ARHGAP10: variants seen among roughly 807,000 people sequenced by gnomAD.
ARHGAP10 encodes rho GTPase-activating protein 10.
Under a neutral mutation model 108.6 loss-of-function variants are expected in ARHGAP10, and 87 were observed. The ratio of observed to expected loss-of-function variants is 0.80; its 90% CI spans 0.67 to 0.96. The LOEUF is 0.96. Among genes scored for constraint, ARHGAP10 ranks in the 40% least tolerant of loss-of-function variants. The pLI, the probability that ARHGAP10 is intolerant of heterozygous loss-of-function variation, is 0.00. For synonymous variants in ARHGAP10, 347 were observed against 341.1 expected (o/e 1.02, Z -0.19); for missense variants, 939 against 954.5 (o/e 0.98, Z 0.21).
chr4:147,925,216 A>C (rs540086123), intron 13 of ARHGAP10, among the ~76,000 whole-genome samples: 3 of 152,174 alleles, frequency 2.0e-5, no homozygotes, highest in African/African-American at 7.2e-5. Flanking sequence ...GAAGCCAAAC[A>C]AACACCACAA....
intron 7 of ARHGAP10, among the ~76,000 whole-genome samples, chr4:147,873,385 C>T (rs974728845): frequency 7.2e-5 from 11 of 152,012 alleles, no homozygotes; most frequent in African/African-American, 1.7e-4. Flanking sequence ...CCTGTGATAG[C>T]ATCCATACAT....
intron 1 of ARHGAP10, among the ~76,000 whole-genome samples, chr4:147,769,168 A>G (rs151146855): frequency 6.6e-6 from 1 of 152,300 alleles, no homozygotes; most frequent in African/African-American, 2.4e-5. Context: ...ATGATGAGAC[A>G]TTTTCTCACT....
At chr4:147,806,672 C>A (rs1286614996) in intron 1 of ARHGAP10, among the ~76,000 whole-genome samples, 1 of 152,106 alleles carries the variant, frequency 6.6e-6, no homozygotes, top group East Asian at 1.9e-4. Context: ...CCTTGTCTGG[C>A]AGGTACCCTG....
chr4:148,003,734 C>G (rs931099250), intron 18 of ARHGAP10, among the ~76,000 whole-genome samples: 2 of 152,174 alleles, frequency 1.3e-5, no homozygotes, highest in Non-Finnish European at 2.9e-5. Context: ...GATTGTAACC[C>G]TTGCCTTTTT....
chr4:147,881,748 C>T lies in ARHGAP10; in HGVS notation c.940-90C>T, dbSNP rs1735335171. The T allele has an allele frequency of 3.6e-6, 4 of 1,124,504 alleles. No individual in the cohort carries two copies. In the South Asian group the frequency reaches 6.0e-5, roughly 17 times the overall value. 69.7% of individuals were successfully genotyped at this position (1,124,504 alleles called of 1,614,324 possible). A position where few individuals can be genotyped will look rare whatever the true frequency, so the allele number is the denominator to read the frequency against. On this transcript the variant is annotated intron_variant, in intron 9 of 22. Coordinates refer to ENST00000336498, the MANE Select transcript of ARHGAP10 (RefSeq NM_024605.4). ...AAAGAGAAGGACTTAAGATCTTGAA[C>T]CTTGCTCCCCTGCTCTCCAGTATAG...
intron 20 of ARHGAP10, among the ~76,000 whole-genome samples, chr4:148,060,463 G>A (rs1465983195): frequency 2.0e-5 from 3 of 149,826 alleles, no homozygotes; most frequent in African/African-American, 4.9e-5. Flanking sequence ...CCCATTACAC[G>A]ACTTAAGTAT....
Position 147,732,294 on chromosome 4 carries a change from C to G in ARHGAP10, c.-8C>G, listed in dbSNP as rs372030564. On this transcript the variant is annotated 5_prime_UTR_variant, in exon 1 of 23. Transcript: ENST00000336498. Reference sequence around the variant, plus strand: ...GGCCGTGCGCACCGCGCAGCGACCGCTGCCGTCATGGGGCTGCAGCCCCTG... The same window carrying G: ...GGCCGTGCGCACCGCGCAGCGACCGGTGCCGTCATGGGGCTGCAGCCCCTG... 6.2e-7 allele frequency: 1 copy of G among 1,603,690 alleles called. No individual in the cohort carries two copies. The highest frequency in any genetic ancestry group is 1.7e-5 in the Admixed American group (1 of 59,282).
intron 10 of ARHGAP10, among the ~76,000 whole-genome samples, chr4:147,901,765 T>C (rs954246605): frequency 6.6e-6 from 1 of 152,258 alleles, no homozygotes; most frequent in African/African-American, 2.4e-5. Flanking sequence ...CAGTTATTTC[T>C]GTGTTTTAGG....
chr4:147,812,058 C>T (rs922292607), intron 1 of ARHGAP10, among the ~76,000 whole-genome samples: 2 of 152,060 alleles, frequency 1.3e-5, no homozygotes, highest in Non-Finnish European at 2.9e-5. Flanking sequence ...GAATGTTTTT[C>T]GACTGTTCTC....
intron 13 of ARHGAP10, among the ~76,000 whole-genome samples, chr4:147,920,827 T>C (rs1055735978): frequency 6.6e-5 from 10 of 152,112 alleles, no homozygotes; most frequent in African/African-American, 2.4e-4. Flanking sequence ...ATTTAAAGGA[T>C]GGGAAAGTAT....
chr4:147,953,034 T>G (rs111782587), intron 15 of ARHGAP10, among the ~76,000 whole-genome samples: 1,855 of 152,148 alleles, frequency 0.012, 44 homozygotes, highest in African/African-American at 0.042. Context: ...TCTATTGATA[T>G]GATCATACAG....
chr4:147,908,925 C>G (rs1430214837), intron 11 of ARHGAP10, among the ~76,000 whole-genome samples: 2 of 152,132 alleles, frequency 1.3e-5, no homozygotes, highest in Admixed American at 6.5e-5. Flanking sequence ...ATCTTTGCAT[C>G]TGAGCATATG....
intron 1 of ARHGAP10, among the ~76,000 whole-genome samples, chr4:147,796,506 T>C (rs1300005834): frequency 6.6e-6 from 1 of 152,004 alleles, no homozygotes; most frequent in African/African-American, 2.4e-5. Flanking sequence ...TCATCTCTTT[T>C]TTTCCTTATT....
At chr4:147,924,395 G>A (rs1737371170) in intron 13 of ARHGAP10, among the ~76,000 whole-genome samples, 1 of 151,934 alleles carries the variant, frequency 6.6e-6, no homozygotes. Flanking sequence ...GGTTTTATAC[G>A]TTTTCCTCCT....
intron 1 of ARHGAP10, among the ~76,000 whole-genome samples, chr4:147,796,777 G>A (rs1441069376): frequency 1.3e-5 from 2 of 152,112 alleles, no homozygotes; most frequent in Admixed American, 6.6e-5. Context: ...CACCCGCCTT[G>A]GCCTCTTAAA....
Position 148,015,826 on chromosome 4 carries a change from A to T in ARHGAP10, c.1717-7437A>T, listed in dbSNP as rs901089606. ...TATGCTCTTTTAGAAAGAAGATCGGACATTTTATTTCTGTCCCTCCTTTCT... is the reference window on the plus strand; with the variant it reads ...TATGCTCTTTTAGAAAGAAGATCGGTCATTTTATTTCTGTCCCTCCTTTCT... On this transcript the variant is annotated intron_variant, in intron 18 of 22. Transcript: ENST00000336498. Among the ~76,000 whole-genome samples, 3 of 152,200 alleles carry T rather than the reference A, an allele frequency of 2.0e-5. 1 individual carries two copies. Among genetic ancestry groups the T allele is most frequent in the Admixed American group, 2.0e-4 (3 of 15,284 alleles).
At chr4:148,016,447 G>A (rs1213151022) in intron 18 of ARHGAP10, among the ~76,000 whole-genome samples, 3 of 152,046 alleles carry the variant, frequency 2.0e-5, no homozygotes, top group Non-Finnish European at 4.4e-5. Flanking sequence ...AGGCTGCAGC[G>A]ACCTGTGATT....
chr4:147,766,664 A>G (rs1226360740), intron 1 of ARHGAP10, among the ~76,000 whole-genome samples: 2 of 139,726 alleles, frequency 1.4e-5, no homozygotes, highest in Non-Finnish European at 3.1e-5. Flanking sequence ...ACACACCCAC[A>G]CACACTGCAC....
chr4:147,848,014 G>A (rs930511706), intron 4 of ARHGAP10, among the ~76,000 whole-genome samples: 5 of 151,832 alleles, frequency 3.3e-5, no homozygotes, highest in African/African-American at 4.8e-5. Flanking sequence ...AAGGAGAGGG[G>A]AATTAACATC....
Sources: allele counts gnomAD v4.1 joint callset (sites outside exome capture counted in the v4.1 genomes callset), GRCh38; gene constraint gnomAD v4.1.1; transcripts MANE v1.5; gene names NCBI Gene and HGNC (gene_info 2026-07-23, HGNC 2026-07-21).